TRPV3: variants seen among roughly 807,000 people sequenced by gnomAD.
The protein encoded by TRPV3 is transient receptor potential cation channel subfamily V member 3, also known as VRL-3.
A neutral mutation model predicts 87.1 loss-of-function variants in TRPV3; 88 were observed. The ratio of observed to expected loss-of-function variants is 1.01; its 90% CI spans 0.85 to 1.21. The LOEUF (loss-of-function observed/expected upper bound fraction) is 1.21, where lower values mean the gene tolerates loss of function less well. Ranked by LOEUF, TRPV3 falls within the 50% of genes most tolerant of loss-of-function variation. The pLI is 0.00. For missense variants in TRPV3, 1,054 were observed against 1,030.1 expected (o/e 1.02, Z -0.32); for synonymous variants, 438 against 423.3 (o/e 1.03, Z -0.43).
Position 3,530,007 on chromosome 17 carries a change from C to T in TRPV3, c.1242+20G>A, listed in dbSNP as rs759016823. On this transcript the variant is annotated intron_variant, in intron 9 of 17. Transcript: ENST00000576742. This position sits in a 1 kb window ranked among gnomAD's most constrained non-coding sequence, Gnocchi z 4.0. ...CAGCCCTCTTCTCCCTGCCCTTCCC[C>T]GCCTGTGCAGGAGACCCACGTCGAT... 81 of 1,602,512 alleles carry T rather than the reference C, an allele frequency of 5.1e-5. No homozygotes were observed. Among genetic ancestry groups the T allele is most frequent in the Non-Finnish European group, 6.5e-5 (76 of 1,172,726 alleles).
intron 6 of TRPV3, 110 bp downstream of exon 6, chr17:3,542,412 C>T (rs1346520266): frequency 1.2e-5 from 15 of 1,241,378 alleles, no homozygotes; most frequent in Non-Finnish European, 1.6e-5. Context: ...ATGCTTGGGG[C>T]TCCTCAATGG....
chr17:3,524,366 G>C lies in TRPV3; in HGVS notation c.1578-3C>G, dbSNP rs1175818134. 3.7e-6 allele frequency: 6 copies of C among 1,614,100 alleles called. No homozygotes were observed. Among genetic ancestry groups the C allele is most frequent in the Non-Finnish European group, 4.2e-6 (5 of 1,179,986 alleles). On this transcript the variant is annotated splice_region_variant and splice_polypyrimidine_tract_variant and intron_variant, in intron 12 of 17. Coordinates refer to ENST00000576742, the MANE Select transcript of TRPV3 (RefSeq NM_145068.4). Reference sequence around the variant, plus strand: ...TCACAAGCACAGCTTGGATAAAACTGTTCAGGAGACACAGGAGACACGGGC... The same window carrying C: ...TCACAAGCACAGCTTGGATAAAACTCTTCAGGAGACACAGGAGACACGGGC...
chr17:3,527,592 A>AGGATGGAT (rs146068527), intron 11 of TRPV3: 21 of 234,118 alleles, frequency 9.0e-5, no homozygotes, highest in Admixed American at 5.2e-4. Context: ...GATGGATGGA[A>AGGATGGAT]GGATGGATGG....
chr17:3,526,494 A>G (rs998769544), intron 12 of TRPV3, among the ~76,000 whole-genome samples: 1 of 147,988 alleles, frequency 6.8e-6, no homozygotes, highest in Non-Finnish European at 1.5e-5. Context: ...AAAAAAAAAA[A>G]CAACAACGTA....
At chr17:3,546,198 T>C (rs1230546360) in intron 2 of TRPV3, among the ~76,000 whole-genome samples, 2 of 151,448 alleles carry the variant, frequency 1.3e-5, no homozygotes, top group East Asian at 3.9e-4. Flanking sequence ...TCCCAGCACT[T>C]TGGAAGGCCT....
chr17:3,544,705 T>C, intron 3 of TRPV3, 40 bp from the exon 4 acceptor site: 1 of 1,484,880 alleles, frequency 6.7e-7, no homozygotes, highest in Non-Finnish European at 9.3e-7. Flanking sequence ...GGTTTTAAAG[T>C]TTTAAAATGG....
chr17:3,524,434 C>G (rs1368284666), intron 12 of TRPV3, 71 bp from the exon 13 acceptor site: 1 of 1,578,792 alleles, frequency 6.3e-7, no homozygotes, highest in Non-Finnish European at 8.6e-7. Context: ...TGCAAATCCC[C>G]CAAACCTCCC....
At chr17:3,531,939 A>G (rs1011322750) in intron 8 of TRPV3, among the ~76,000 whole-genome samples, 2 of 152,014 alleles carry the variant, frequency 1.3e-5, no homozygotes, top group Non-Finnish European at 2.9e-5. Flanking sequence ...CTCAACAGTC[A>G]CCACCCCCCA....
chr17:3,527,158 C>T (rs139787380), intron 11 of TRPV3, among the ~76,000 whole-genome samples: 1 of 152,116 alleles, frequency 6.6e-6, no homozygotes, highest in Admixed American at 6.5e-5. Context: ...CTCCTTACCC[C>T]ATCCTCACCC....
rs2074111282 is a variant in TRPV3, at chr17:3,511,370, A to G, written c.*2547T>C. The G allele has an allele frequency of 6.6e-6, 1 of 152,232 alleles. No individual in the cohort carries two copies. The highest frequency in any genetic ancestry group is 2.4e-5 in the African/African-American group (1 of 41,454). 9.4% of individuals were successfully genotyped at this position (152,232 alleles called of 1,614,324 possible). A position where few individuals can be genotyped will look rare whatever the true frequency, so the allele number is the denominator to read the frequency against. On this transcript the variant is annotated 3_prime_UTR_variant, in exon 18 of 18. Coordinates refer to ENST00000576742, the MANE Select transcript of TRPV3 (RefSeq NM_145068.4). ...TTTAAAAATAAATAAATAATGGCTC[A>G]GGGAGACATCTGTGGTCCAAGAATC...
At chr17:3,519,539 T>C (rs1351183671) in intron 14 of TRPV3, among the ~76,000 whole-genome samples, 4 of 148,798 alleles carry the variant, frequency 2.7e-5, no homozygotes, top group Non-Finnish European at 5.9e-5. Flanking sequence ...GATGGATAGA[T>C]GGATGGATGG....
At chr17:3,536,102 C>G (rs902455611) in intron 6 of TRPV3, among the ~76,000 whole-genome samples, 3 of 152,236 alleles carry the variant, frequency 2.0e-5, no homozygotes, top group African/African-American at 7.2e-5. Flanking sequence ...CCAGAGCTCT[C>G]TAACCTGGGA....
intron 2 of TRPV3, chr17:3,546,512 G>T (rs991174716): frequency 6.6e-5 from 24 of 363,960 alleles, no homozygotes; most frequent in Non-Finnish European, 1.2e-4. Flanking sequence ...GTCTCAGTGG[G>T]GTCGGGTGAG....
chr17:3,542,478 C>T (rs1278197482), intron 6 of TRPV3, 44 bp downstream of exon 6: 2 of 1,588,604 alleles, frequency 1.3e-6, no homozygotes, highest in South Asian at 1.2e-5. Context: ...CATACCCCAC[C>T]CTCAGAGACT....
chr17:3,535,278 C>CTCCCTCCTCCCT (rs1455823020), intron 7 of TRPV3, among the ~76,000 whole-genome samples: 12 of 91,698 alleles, frequency 1.3e-4, no homozygotes, highest in African/African-American at 4.3e-4. Flanking sequence ...CCTCCTCCCT[C>CTCCCTCCTCCCT]CTCCCTTCCT....
At chr17:3,527,995 C>T (rs371503297) in intron 11 of TRPV3, 30 bp downstream of exon 11, 27 of 1,563,868 alleles carry the variant, frequency 1.7e-5, no homozygotes, top group South Asian at 3.3e-5. Flanking sequence ...CCTCGCGGGG[C>T]GGTCTGGAAG....
intron 3 of TRPV3, 33 bp downstream of exon 3, chr17:3,545,134 A>T: frequency 1.3e-6 from 2 of 1,536,988 alleles, no homozygotes; most frequent in Non-Finnish European, 9.0e-7. Flanking sequence ...GGCTGGGCCC[A>T]GGGCAAGGGG....
intron 2 of TRPV3, among the ~76,000 whole-genome samples, chr17:3,548,374 T>G (rs527957036): frequency 6.6e-6 from 1 of 152,340 alleles, no homozygotes; most frequent in South Asian, 2.1e-4. Context: ...TCAAAGAACC[T>G]GCTTCCCGAC....
chr17:3,544,554 G>T (rs1295476661), intron 4 of TRPV3, 25 bp downstream of exon 4: 2 of 1,500,168 alleles, frequency 1.3e-6, no homozygotes, highest in Non-Finnish European at 1.8e-6. Flanking sequence ...GGGCACAGTG[G>T]GTGGAGGGGG....
Sources: allele counts gnomAD v4.1 joint callset (sites outside exome capture counted in the v4.1 genomes callset), GRCh38; gene constraint gnomAD v4.1.1; non-coding constraint Gnocchi (gnomAD v3.1); transcripts MANE v1.5; gene names NCBI Gene and HGNC (gene_info 2026-07-23, HGNC 2026-07-21).